Variants in COL23A1 observed in about 807,000 individuals in gnomAD.
COL23A1 encodes the protein collagen type XXIII alpha 1 chain.
COL23A1 carries 97 observed loss-of-function variants against 99.3 expected under a neutral mutation model. The observed-to-expected ratio is 0.98, with a 90% CI of 0.83 to 1.16. COL23A1 has a LOEUF of 1.16. COL23A1 is among the 50% of genes most tolerant of loss of function. The pLI, the probability that COL23A1 is intolerant of heterozygous loss-of-function variation, is 0.00. For synonymous variants in COL23A1, 320 were observed against 308.2 expected (o/e 1.04, Z -0.40); for missense variants, 762 against 757.4 (o/e 1.01, Z -0.07).
intron 2 of COL23A1, among the ~76,000 whole-genome samples, chr5:178,397,321 G>A (rs535247741): frequency 1.3e-5 from 2 of 152,392 alleles, no homozygotes; most frequent in South Asian, 4.1e-4. Context: ...CAAGGAGGGG[G>A]CGCTCCGGCA....
At chr5:178,286,080 C>T (rs1757134921) in intron 5 of COL23A1, among the ~76,000 whole-genome samples, 1 of 152,220 alleles carries the variant, frequency 6.6e-6, no homozygotes, top group South Asian at 2.1e-4. Context: ...AGGGAAGACG[C>T]CTACCTCCGT....
intron 2 of COL23A1, among the ~76,000 whole-genome samples, chr5:178,354,251 C>T (rs1761496698): frequency 6.6e-6 from 1 of 152,096 alleles, no homozygotes; most frequent in Non-Finnish European, 1.5e-5. Context: ...TCCTATGTTG[C>T]CCAGGCTGGA....
chr5:178,572,766 A>C (rs1314092460), intron 1 of COL23A1, among the ~76,000 whole-genome samples: 1 of 152,254 alleles, frequency 6.6e-6, no homozygotes, highest in Non-Finnish European at 1.5e-5. Flanking sequence ...CAAAAACTGG[A>C]AACAATCCAA....
intron 2 of COL23A1, among the ~76,000 whole-genome samples, chr5:178,449,670 C>G (rs1358794112): frequency 6.6e-6 from 1 of 151,932 alleles, no homozygotes; most frequent in Non-Finnish European, 1.5e-5. Flanking sequence ...ACCTCCCCCA[C>G]CCCACCCCAC....
At chr5:178,540,165 T>C (rs1187160320) in intron 2 of COL23A1, among the ~76,000 whole-genome samples, 3 of 152,012 alleles carry the variant, frequency 2.0e-5, no homozygotes, top group Non-Finnish European at 4.4e-5. Flanking sequence ...CTGAAGGTCT[T>C]AGACAATCAA....
intron 2 of COL23A1, among the ~76,000 whole-genome samples, chr5:178,397,041 G>A (rs1764187340): frequency 6.6e-6 from 1 of 152,164 alleles, no homozygotes. Context: ...TGCGTGTCAG[G>A]AAGGACTCGC....
rs1266134142 is a variant in COL23A1, at chr5:178,468,587, G to A, written c.361+92095C>T. ...GCTGACCTCAGGCTGCAGGCCACACGCAGAGCAGCTTCCCCTCCCCTCGAG... is the reference window on the plus strand; with the variant it reads ...GCTGACCTCAGGCTGCAGGCCACACACAGAGCAGCTTCCCCTCCCCTCGAG... On this transcript the variant is annotated intron_variant, in intron 2 of 28. Transcript: ENST00000390654. The surrounding 1 kb of genome is among the most constrained non-coding windows in gnomAD (Gnocchi z 4.2). 1.4e-5 allele frequency among the ~76,000 whole-genome samples: 2 copies of A among 143,910 alleles called. No homozygotes were observed. Among genetic ancestry groups the A allele is most frequent in the Admixed American group, 6.6e-5 (1 of 15,098 alleles). The allele number at this position is 143,910 out of a possible 152,430, so 94.4% of individuals were successfully genotyped here.
chr5:178,285,557 GAC>G (rs1171078024), intron 5 of COL23A1, among the ~76,000 whole-genome samples: 1 of 152,216 alleles, frequency 6.6e-6, no homozygotes, highest in East Asian at 1.9e-4. Context: ...GATGAGGAAA[GAC>G]AGTGATATTT....
chr5:178,253,535 T>C (rs888672788), intron 16 of COL23A1, among the ~76,000 whole-genome samples: 13 of 152,150 alleles, frequency 8.5e-5, no homozygotes, highest in African/African-American at 3.1e-4. Flanking sequence ...CAGCCTGGAG[T>C]GCAGAGGTGC....
In COL23A1 at chr5:178,242,412, T is replaced by G. The variant is rs2241579; in HGVS notation, c.1441-18A>C. 0.42 allele frequency: 669,101 copies of G among 1,612,022 alleles called. 141,454 individuals carry two copies. Among genetic ancestry groups the G allele is most frequent in the East Asian group, 0.6 (26,757 of 44,826 alleles). On this transcript the variant is annotated intron_variant, in intron 25 of 28. Transcript: ENST00000390654. The stretch of plus-strand genomic sequence containing the variant: ...GGGAAACCCTGACAAAAGGATTAGA[T>G]GCTAAACCCGAAAATGAGGCTGGAG...
At chr5:178,271,132 C>T (rs890758563) in intron 5 of COL23A1, among the ~76,000 whole-genome samples, 2 of 152,152 alleles carry the variant, frequency 1.3e-5, no homozygotes, top group East Asian at 1.9e-4. Context: ...CACAGCAGCC[C>T]GTGCCAGACA....
chr5:178,358,505 A>G (rs111217388), intron 2 of COL23A1, among the ~76,000 whole-genome samples: 5 of 104,134 alleles, frequency 4.8e-5, no homozygotes, highest in East Asian at 2.9e-4. Flanking sequence ...ATGCGTGTAT[A>G]TGTGTGTATG....
rs1554141722 is a variant in COL23A1 at position 178,343,663 on chromosome 5, A to ATAT, written c.362-36745_362-36744insATA. Among the ~76,000 whole-genome samples, 56 of 134,370 alleles carry ATAT rather than the reference A, an allele frequency of 4.2e-4. No individual in the cohort carries two copies. The East Asian group carries it at 5.5e-3, about 13-fold the overall frequency. 88.2% of individuals were successfully genotyped at this position (134,370 alleles called of 152,430 possible). On this transcript the variant is annotated intron_variant, in intron 2 of 28. Transcript: ENST00000390654. ...CTGAATTTTTCCATTATATATATATATTTTTTTTTTTTTTTGGAGACGGAG... is the reference window on the plus strand; with the variant it reads ...CTGAATTTTTCCATTATATATATATATATTTTTTTTTTTTTTTTGGAGACGGAG...
rs1335473091 is a variant in COL23A1, at chr5:178,248,273, CTGTGA to C, written c.1150-24_1150-20del. Reference sequence around the variant, plus strand: ...CAGCGCCCTGCAGGACGGCAATGGCCTGTGAGTCCTTTGTGTCCAGCACCTGTATC... The same window carrying C: ...CAGCGCCCTGCAGGACGGCAATGGCCGTCCTTTGTGTCCAGCACCTGTATC... On this transcript the variant is annotated intron_variant, in intron 19 of 28. Coordinates refer to ENST00000390654, the MANE Select transcript of COL23A1 (RefSeq NM_173465.4). 1.2e-6 allele frequency: 2 copies of C among 1,605,072 alleles called. No homozygotes were observed. The highest frequency in any genetic ancestry group is 4.5e-5 in the East Asian group (2 of 44,690).
At chr5:178,549,203 A>G (rs2113451327) in intron 2 of COL23A1, among the ~76,000 whole-genome samples, 1 of 152,240 alleles carries the variant, frequency 6.6e-6, no homozygotes, top group Admixed American at 6.5e-5. Context: ...CATGTTGGTC[A>G]GGCTGGTCTC....
chr5:178,379,551 T>C (rs13156299), intron 2 of COL23A1, among the ~76,000 whole-genome samples: 16,760 of 152,146 alleles, frequency 0.11, 1,901 homozygotes, highest in African/African-American at 0.29. Flanking sequence ...ATTCATGTAT[T>C]ACCCCTGTAA....
At chr5:178,333,252 G>A (rs1214255079) in intron 2 of COL23A1, among the ~76,000 whole-genome samples, 2 of 152,130 alleles carry the variant, frequency 1.3e-5, no homozygotes, top group African/African-American at 4.8e-5. Context: ...CACCGCGCCC[G>A]GCCGACTCAT....
At chr5:178,500,912 T>C (rs1758490278) in intron 2 of COL23A1, among the ~76,000 whole-genome samples, 1 of 151,744 alleles carries the variant, frequency 6.6e-6, no homozygotes, top group Non-Finnish European at 1.5e-5. Context: ...ATGTCAAAAA[T>C]ACAATGAAGA....
At position 178,589,217 on chromosome 5, in the gene COL23A1, G is replaced by GACGGA. The variant is rs1562118720; in HGVS notation, c.294+686_294+687insTCCGT. ...GTCGCGATTCCCAGGTAAGGGACGG[G>GACGGA]AAACTCCGGATGTCCTGCGAGCCCA... On this transcript the variant is annotated intron_variant, in intron 1 of 28. Transcript: ENST00000390654. The surrounding 1 kb of genome is among the most constrained non-coding windows in gnomAD (Gnocchi z 5.4). Among the ~76,000 whole-genome samples, 22 of 151,892 alleles carry GACGGA rather than the reference G, an allele frequency of 1.4e-4. No homozygotes were observed. Among genetic ancestry groups the GACGGA allele is most frequent in the Non-Finnish European group, 2.9e-4 (20 of 67,974 alleles).
Sources: allele counts gnomAD v4.1 joint callset (sites outside exome capture counted in the v4.1 genomes callset), GRCh38; gene constraint gnomAD v4.1.1; non-coding constraint Gnocchi (gnomAD v3.1); transcripts MANE v1.5; gene names NCBI Gene and HGNC (gene_info 2026-07-23, HGNC 2026-07-21).